Variants in CSMD1 observed in about 807,000 individuals in gnomAD.
CSMD1 encodes the protein CUB and sushi domain-containing protein 1.
A neutral mutation model predicts 417.5 loss-of-function variants in CSMD1; 213 were observed. That is an observed-to-expected ratio of 0.51 (90% CI 0.46 to 0.57). The LOEUF (loss-of-function observed/expected upper bound fraction) is 0.57. Ranked by LOEUF, CSMD1 falls within the 20% of genes least tolerant of loss-of-function variation. CSMD1 has a pLI of 0.00. For missense variants in CSMD1, 6,923 were observed against 4,529.7 expected, an observed-to-expected ratio of 1.53 and a Z score of -15.17; for synonymous variants, 2,862 against 1,736.8, an observed-to-expected ratio of 1.65 and a Z score of -16.11.
chr8:4,534,128 G>A (rs749660854), intron 2 of CSMD1, among the ~76,000 whole-genome samples: 4 of 152,036 alleles, frequency 2.6e-5, no homozygotes, highest in Non-Finnish European at 4.4e-5. Flanking sequence ...TATCTTAATG[G>A]CATTTGTCAG....
chr8:3,468,661 C>T, intron 12 of CSMD1, 51 bp downstream of exon 12: 2 of 1,135,200 alleles, frequency 1.8e-6, no homozygotes, highest in Non-Finnish European at 2.6e-6. Context: ...TGCTCTCTGC[C>T]CTCTCTTGGA....
At chr8:4,560,563 C>A (rs988792184) in intron 2 of CSMD1, among the ~76,000 whole-genome samples, 1 of 152,176 alleles carries the variant, frequency 6.6e-6, no homozygotes, top group Non-Finnish European at 1.5e-5. Context: ...ACAGTGTGAG[C>A]TAAAACACTG....
chr8:3,006,387 A>G (rs948808661), intron 52 of CSMD1, among the ~76,000 whole-genome samples: 4 of 149,456 alleles, frequency 2.7e-5, no homozygotes, highest in Non-Finnish European at 4.5e-5. Flanking sequence ...CCATCAAGCT[A>G]CCAATGACTT....
At chr8:4,008,768 G>T (rs990769439) in intron 4 of CSMD1, among the ~76,000 whole-genome samples, 1 of 151,606 alleles carries the variant, frequency 6.6e-6, no homozygotes, top group African/African-American at 2.4e-5. Flanking sequence ...CCGGCACCAC[G>T]CCTGGCTAAT....
At chr8:4,412,403 G>C (rs530984089) in intron 3 of CSMD1, among the ~76,000 whole-genome samples, 1 of 152,264 alleles carries the variant, frequency 6.6e-6, no homozygotes, top group East Asian at 1.9e-4. Context: ...TGTTGCGCTG[G>C]CTCCTCCTTT....
intron 3 of CSMD1, among the ~76,000 whole-genome samples, chr8:4,202,863 C>A (rs928858832): frequency 6.6e-6 from 1 of 152,110 alleles, no homozygotes; most frequent in African/African-American, 2.4e-5. Context: ...ATGCAGGTAC[C>A]TGAGAAATAG....
intron 3 of CSMD1, among the ~76,000 whole-genome samples, chr8:4,165,898 G>C (rs890987073): frequency 6.6e-6 from 1 of 152,142 alleles, no homozygotes; most frequent in African/African-American, 2.4e-5. Context: ...CCTGTGCCTA[G>C]CACAGTATCA....
intron 2 of CSMD1, among the ~76,000 whole-genome samples, chr8:4,454,939 G>C (rs1034835041): frequency 6.6e-6 from 1 of 152,154 alleles, no homozygotes; most frequent in African/African-American, 2.4e-5. Context: ...CCAGACTCAT[G>C]ACGCTTCTGT....
At chr8:3,117,368 T>C (rs974038057) in intron 42 of CSMD1, among the ~76,000 whole-genome samples, 2 of 152,166 alleles carry the variant, frequency 1.3e-5, no homozygotes, top group Non-Finnish European at 2.9e-5. Context: ...TAATACAGAA[T>C]AGGTAAATAC....
At chr8:3,232,580 T>A (rs1485004894) in intron 26 of CSMD1, among the ~76,000 whole-genome samples, 2 of 152,206 alleles carry the variant, frequency 1.3e-5, no homozygotes, top group African/African-American at 4.8e-5. Context: ...CATTTGCTCT[T>A]TCAAATGACA....
intron 3 of CSMD1, among the ~76,000 whole-genome samples, chr8:4,279,001 T>A (rs1796636750): frequency 6.6e-6 from 1 of 152,222 alleles, no homozygotes; most frequent in Non-Finnish European, 1.5e-5. Context: ...TATAACTATT[T>A]ACTGACAGTT....
chr8:4,568,372 T>C (rs1001898209), intron 2 of CSMD1, among the ~76,000 whole-genome samples: 5 of 152,208 alleles, frequency 3.3e-5, no homozygotes, highest in African/African-American at 1.2e-4. Flanking sequence ...AGAACATGCG[T>C]TGTTTCGTTT....
intron 12 of CSMD1, among the ~76,000 whole-genome samples, chr8:3,416,302 C>CAAAAAAAAAAAA (rs11358404): frequency 1.7e-5 from 1 of 58,898 alleles, no homozygotes; most frequent in Non-Finnish European, 3.0e-5. Context: ...GACTCCGTCT[C>CAAAAAAAAAAAA]AAAAAAAAAA....
chr8:4,975,277 G>T (rs1810485010), intron 1 of CSMD1, among the ~76,000 whole-genome samples: 1 of 152,164 alleles, frequency 6.6e-6, no homozygotes, highest in Non-Finnish European at 1.5e-5. Context: ...TTATTAAAGA[G>T]AATATCTGCT....
chr8:4,132,155 G>C (rs542421974), intron 3 of CSMD1, among the ~76,000 whole-genome samples: 1 of 148,356 alleles, frequency 6.7e-6, no homozygotes, highest in Admixed American at 6.7e-5. Flanking sequence ...CAGATCAGCT[G>C]TTGCCTGTTT....
At chr8:4,040,412 C>T (rs1163474627) in intron 3 of CSMD1, among the ~76,000 whole-genome samples, 1 of 152,110 alleles carries the variant, frequency 6.6e-6, no homozygotes, top group African/African-American at 2.4e-5. Flanking sequence ...CAAGTAATTT[C>T]CAGGACAGGT....
chr8:4,256,682 C>A (rs1803476959), intron 3 of CSMD1, among the ~76,000 whole-genome samples: 1 of 151,852 alleles, frequency 6.6e-6, no homozygotes. Flanking sequence ...CAGGAAGAAT[C>A]CCAGCAGATG....
At chr8:4,108,469 A>G (rs1257399265) in intron 3 of CSMD1, among the ~76,000 whole-genome samples, 1 of 152,198 alleles carries the variant, frequency 6.6e-6, no homozygotes, top group Non-Finnish European at 1.5e-5. Flanking sequence ...CTTTAAAAGC[A>G]TCAGATTTAG....
intron 10 of CSMD1, among the ~76,000 whole-genome samples, chr8:3,565,991 T>C (rs1372044914): frequency 6.6e-6 from 1 of 152,196 alleles, no homozygotes; most frequent in African/African-American, 2.4e-5. Flanking sequence ...ATCAATATAA[T>C]ACATTGACAC....
Sources: gnomAD v4.1 joint callset for allele counts (sites outside exome capture counted in the v4.1 genomes callset) on GRCh38, gnomAD v4.1.1 for gene constraint, MANE v1.5 for transcripts, NCBI Gene and HGNC (gene_info 2026-07-23, HGNC 2026-07-21) for gene names.